STIM1: variants seen among roughly 807,000 people sequenced by gnomAD.
STIM1 encodes stromal interaction molecule 1.
In STIM1, 25 loss-of-function variants were observed where a neutral mutation model predicts 74.7. The observed-to-expected ratio is 0.33, with a 90% confidence interval of 0.24 to 0.47. The LOEUF (loss-of-function observed/expected upper bound fraction) is 0.47. Ranked by LOEUF, STIM1 falls within the 20% of genes least tolerant of loss-of-function variation. STIM1 has a pLI of 1.00. For synonymous variants in STIM1, 328 were observed against 348.8 expected, an observed-to-expected ratio of 0.94 and a Z score of 0.66; for missense variants, 728 against 920.8, an observed-to-expected ratio of 0.79 and a Z score of 2.71.
At chr11:3,892,363 T>G in intron 1 of STIM1, 1 of 1,260,754 alleles carries the variant, frequency 7.9e-7, no homozygotes, top group Non-Finnish European at 1.1e-6. Context: ...AATGGTCTGG[T>G]GGCTAAGATA....
chr11:3,877,931 A>G (rs1049645523), intron 1 of STIM1, among the ~76,000 whole-genome samples: 4 of 152,198 alleles, frequency 2.6e-5, no homozygotes, highest in Admixed American at 2.6e-4. Flanking sequence ...TCTTGGGAGA[A>G]TGAGTAAGCA....
intron 2 of STIM1, among the ~76,000 whole-genome samples, chr11:3,979,445 T>C (rs555209051): frequency 1.2e-4 from 18 of 152,334 alleles, no homozygotes; most frequent in Admixed American, 3.9e-4. Flanking sequence ...TTGTTTTTCA[T>C]TGAAATATAT....
At position 3,937,199 on chromosome 11, in the gene STIM1, G is replaced by T. The variant is rs548632414; in HGVS notation, c.140-30353G>T. Reference sequence around the variant, plus strand: ...CTAGCTACTTGGAAGGCTGAGGTGGGAGGACCACCTGAGCCTAGGAGGCAG... The same window carrying T: ...CTAGCTACTTGGAAGGCTGAGGTGGTAGGACCACCTGAGCCTAGGAGGCAG... On this transcript the variant is annotated intron_variant, in intron 1 of 12. Transcript: ENST00000526596. Among the ~76,000 whole-genome samples, 8 of 151,882 alleles carry T rather than the reference G, an allele frequency of 5.3e-5. No homozygotes were observed. The South Asian group carries it at 1.5e-3, about 28-fold the overall frequency.
intron 1 of STIM1, among the ~76,000 whole-genome samples, chr11:3,932,544 C>A (rs1054079353): frequency 2.6e-5 from 4 of 151,918 alleles, no homozygotes; most frequent in Non-Finnish European, 5.9e-5. Flanking sequence ...CACCTGTAGT[C>A]CCAGCTACTT....
chr11:3,895,724 TTCTTTCTTTCTTTTTC>T lies in STIM1; in HGVS notation c.139+39317_139+39332del, dbSNP rs1369785024. Among the ~76,000 whole-genome samples, 71 of 40,554 alleles carry T rather than the reference TTCTTTCTTTCTTTTTC, an allele frequency of 1.8e-3. 4 individuals are homozygous for T. The highest frequency in any genetic ancestry group is 8.2e-3 in the Middle Eastern group (1 of 122). The allele number at this position is 40,554 out of a possible 152,430, so 26.6% of individuals were successfully genotyped here. Reference sequence around the variant, plus strand: ...TTTCTTTCTTTCTTTCTTTCTTTCTTTCTTTCTTTCTTTTTCTTTCTTCCTTCCTTCCTTCCTTCCT... The same window carrying T: ...TTTCTTTCTTTCTTTCTTTCTTTCTTTTTCTTCCTTCCTTCCTTCCTTCCT... On this transcript the variant is annotated intron_variant, in intron 1 of 12. Coordinates refer to ENST00000526596, the MANE Select transcript of STIM1 (RefSeq NM_001382567.1).
chr11:4,004,037 C>G (rs535779166), intron 2 of STIM1, among the ~76,000 whole-genome samples: 5 of 152,042 alleles, frequency 3.3e-5, no homozygotes, highest in African/African-American at 7.3e-5. Flanking sequence ...TTAGAAGGGA[C>G]GTGAATGACC....
At chr11:3,883,746 A>G (rs1387254504) in intron 1 of STIM1, among the ~76,000 whole-genome samples, 1 of 152,248 alleles carries the variant, frequency 6.6e-6, no homozygotes, top group Non-Finnish European at 1.5e-5. Context: ...TTTAGCATTT[A>G]GCATATGACC....
chr11:3,917,117 C>T (rs764845935), intron 1 of STIM1, among the ~76,000 whole-genome samples: 31 of 152,092 alleles, frequency 2.0e-4, no homozygotes, highest in Non-Finnish European at 2.9e-4. Context: ...CTTATGTACG[C>T]GTAGTGAGAT....
chr11:4,058,228 C>G (rs926356869), intron 4 of STIM1, among the ~76,000 whole-genome samples: 1 of 152,164 alleles, frequency 6.6e-6, no homozygotes, highest in African/African-American at 2.4e-5. Flanking sequence ...CGGGGAGGAA[C>G]AAAGCAACTT....
intron 8 of STIM1, among the ~76,000 whole-genome samples, 193 bp from the exon 9 acceptor site, chr11:4,082,689 G>A (rs1217986732): frequency 2.0e-5 from 3 of 152,132 alleles, no homozygotes; most frequent in African/African-American, 7.2e-5. Context: ...TTCTCCCCTC[G>A]CTTTCTCTAT....
At position 4,091,915 on chromosome 11, in the gene STIM1, C is replaced by T; in HGVS notation, c.*117C>T. ...GAGTGGGGCATGGGAAGGGCTGGTC[C>T]AGGGGTCTGGGCACTGTACATACCT... On this transcript the variant is annotated 3_prime_UTR_variant, in exon 13 of 13. Coordinates refer to ENST00000526596, the MANE Select transcript of STIM1 (RefSeq NM_001382567.1). The T allele has an allele frequency of 7.0e-7, 1 of 1,425,254 alleles. No individual in the cohort carries two copies. The highest frequency in any genetic ancestry group is 9.6e-7 in the Non-Finnish European group (1 of 1,041,660). The allele number at this position is 1,425,254 out of a possible 1,614,324, so 88.3% of individuals were successfully genotyped here.
At chr11:3,980,077 T>G (rs1031081354) in intron 2 of STIM1, among the ~76,000 whole-genome samples, 5 of 152,226 alleles carry the variant, frequency 3.3e-5, no homozygotes, top group Non-Finnish European at 7.3e-5. Context: ...TGTGCCCTAA[T>G]GATTTTGATT....
intron 1 of STIM1, among the ~76,000 whole-genome samples, chr11:3,860,127 A>G (rs1348462194): frequency 1.3e-5 from 2 of 152,214 alleles, no homozygotes; most frequent in African/African-American, 4.8e-5. Context: ...GGAAAATGTC[A>G]TGGAAGAAAT....
chr11:4,046,429 C>T (rs992324108), intron 3 of STIM1, among the ~76,000 whole-genome samples: 1 of 152,140 alleles, frequency 6.6e-6, no homozygotes, highest in Non-Finnish European at 1.5e-5. Context: ...TTTCCTTCCC[C>T]TGCCACCTTT....
At chr11:3,875,114 G>A (rs1299924840) in intron 1 of STIM1, among the ~76,000 whole-genome samples, 1 of 152,058 alleles carries the variant, frequency 6.6e-6, no homozygotes, top group Non-Finnish European at 1.5e-5. Flanking sequence ...CTTCGTCTTG[G>A]TTGCTGGAAT....
chr11:4,020,515 C>T (rs763137412), intron 2 of STIM1, among the ~76,000 whole-genome samples: 9 of 152,022 alleles, frequency 5.9e-5, no homozygotes, highest in African/African-American at 2.2e-4. Flanking sequence ...GATGATATCT[C>T]ATTGTGGTTT....
At chr11:3,991,882 G>A (rs1309096712) in intron 2 of STIM1, among the ~76,000 whole-genome samples, 37 of 146,612 alleles carry the variant, frequency 2.5e-4, no homozygotes, top group African/African-American at 8.8e-4. Context: ...CCTGGGAGGC[G>A]GAGGTTGCGG....
intron 1 of STIM1, among the ~76,000 whole-genome samples, chr11:3,879,427 C>T (rs971090058): frequency 6.6e-6 from 1 of 152,216 alleles, no homozygotes; most frequent in African/African-American, 2.4e-5. Context: ...TAATTATCTA[C>T]TGTTTCACTT....
intron 2 of STIM1, among the ~76,000 whole-genome samples, chr11:3,969,521 T>G (rs2135743888): frequency 6.6e-6 from 1 of 152,254 alleles, no homozygotes; most frequent in East Asian, 1.9e-4. Context: ...CAAAATTCAC[T>G]GATTGGTCAA....
Sources: gnomAD v4.1 joint callset for allele counts (sites outside exome capture counted in the v4.1 genomes callset) on GRCh38, gnomAD v4.1.1 for gene constraint, MANE v1.5 for transcripts, NCBI Gene and HGNC (gene_info 2026-07-23, HGNC 2026-07-21) for gene names.